The following SFXN3 variants were observed in gnomAD, a reference collection of about 807,000 sequenced individuals.
SFXN3 encodes sideroflexin-3.
SFXN3 carries 31 observed loss-of-function variants against 40.4 expected under a neutral mutation model. The ratio of observed to expected loss-of-function variants is 0.77; its 90% CI spans 0.58 to 1.04. SFXN3 has a LOEUF of 1.04. Ranked by LOEUF, SFXN3 falls within the 50% of genes least tolerant of loss-of-function variation. The pLI is 0.00. For synonymous variants in SFXN3, 157 were observed against 160.0 expected (o/e 0.98, Z 0.14); for missense variants, 366 against 408.2 (o/e 0.90, Z 0.89).
chr10:101,036,531 C>A lies in SFXN3; in HGVS notation c.477C>A (p.Ala159=). 8 of 1,614,124 alleles carry A rather than the reference C, an allele frequency of 5.0e-6. No homozygotes were observed. Among genetic ancestry groups the A allele is most frequent in the African/African-American group, 1.3e-5 (1 of 75,030 alleles). ...TGAGTGCCACCACTGGAGCTGTGGC[C>A]ACGGCCCTGGGACTCAAATCCCTCA... is the stretch of plus-strand genomic sequence containing the variant. Residue 159 remains alanine, a synonymous_variant, in exon 6 of 12, where the codon GCC becomes GCA. Coordinates refer to ENST00000393459, the Ensembl canonical transcript of SFXN3. The surrounding 1 kb of genome is among the most constrained non-coding windows in gnomAD (Gnocchi z 4.2).
At chr10:101,035,856 G>A in intron 4 of SFXN3, 147 bp from the exon 5 acceptor site, 1 of 1,063,740 alleles carries the variant, frequency 9.4e-7, no homozygotes, top group Non-Finnish European at 1.4e-6. Flanking sequence ...ATGGGGGTGG[G>A]GGTACATAGG....
rs766469795 is a variant in SFXN3, at chr10:101,039,508, C to T, written c.889C>T (p.Leu297=). ...TTGCAGCTCCATACACATAAGCAAC[C>T]TGGAACCAGAGCTGAGAGCTCAGAT... is the stretch of plus-strand genomic sequence containing the variant. The change falls in exon 12 of 12, where the codon CTG becomes TTG. Residue 297 remains leucine, a synonymous_variant. Transcript: ENST00000393459. The surrounding 1 kb of genome is among the most constrained non-coding windows in gnomAD (Gnocchi z 4.6). 2.3e-5 allele frequency: 37 copies of T among 1,614,102 alleles called. No individual in the cohort carries two copies. The South Asian group carries it at 4.0e-4, about 17-fold the overall frequency.
Position 101,036,866 on chromosome 10 carries a change from A to G in SFXN3, c.593+58A>G. 1.3e-6 allele frequency: 2 copies of G among 1,589,924 alleles called. No individual in the cohort carries two copies. The highest frequency in any genetic ancestry group is 8.6e-7 in the Non-Finnish European group (1 of 1,162,542). ...CCAGAATGTAGCACACTGTCCATCC[A>G]CGCAGACCACCTCAGAATGGGGACA... On this transcript the variant is annotated intron_variant, in intron 7 of 11. Coordinates refer to ENST00000393459, the Ensembl canonical transcript of SFXN3. This position sits in a 1 kb window ranked among gnomAD's most constrained non-coding sequence, Gnocchi z 4.2.
chr10:101,031,593 T>TC (rs1938203295), intron 1 of SFXN3, 59 bp downstream of exon 1: 1 of 108,722 alleles, frequency 9.2e-6, no homozygotes, highest in Admixed American at 9.1e-5. Flanking sequence ...ATCCTCCTCC[T>TC]CTGTCAGAAG....
At chr10:101,037,424 T>C (rs752695551) in exon 9 of SFXN3, 1 of 1,614,154 alleles carries the variant, frequency 6.2e-7, no homozygotes, top group Non-Finnish European at 8.5e-7. Context: ...AAGAAAGACT[T>C]CCTGAAGGTA....
At chr10:101,035,018 T>C (rs1938521415) in intron 3 of SFXN3, among the ~76,000 whole-genome samples, 163 bp downstream of exon 3, 1 of 152,178 alleles carries the variant, frequency 6.6e-6, no homozygotes, top group South Asian at 2.1e-4. Flanking sequence ...ACCCAAAGGA[T>C]TTTAGGGCAT....
chr10:101,036,793 C>T lies in SFXN3; in HGVS notation c.578C>T (p.Pro193Leu), dbSNP rs1172875645. The change falls in exon 7 of 12, where the codon CCC becomes CTC. Residue 193 changes from proline (P) to leucine (L), a missense_variant. Pro to Leu is a moderately conservative substitution (Grantham distance 98, BLOSUM62 -3). Transcript: ENST00000393459. This position sits in a 1 kb window ranked among gnomAD's most constrained non-coding sequence, Gnocchi z 4.2. ...GCAGCTGCCAACTGCATCAACATCC[C>T]CCTGATGAGGCAGAGGTGAGTGACC... is the stretch of plus-strand genomic sequence containing the variant. 1.2e-6 allele frequency: 2 copies of T among 1,613,838 alleles called. No homozygotes were observed. The highest frequency in any genetic ancestry group is 1.7e-6 in the Non-Finnish European group (2 of 1,179,724).
At chr10:101,032,054 C>A (rs1200441403) in intron 1 of SFXN3, 1 of 192,566 alleles carries the variant, frequency 5.2e-6, no homozygotes, top group Non-Finnish European at 1.1e-5. Context: ...AGGACCGCCC[C>A]TCCACACCGC....
rs755671791 is a variant in SFXN3 at position 101,037,374 on chromosome 10, C to T, written c.722-8C>T. On this transcript the variant is annotated splice_region_variant and splice_polypyrimidine_tract_variant and intron_variant, in intron 8 of 11. Transcript: ENST00000393459. Reference sequence around the variant, plus strand: ...ATGTTCTCCTTCTTGGCCCTGCTCTCCCCACAGCCATCCCACCACTGATCA... The same window carrying T: ...ATGTTCTCCTTCTTGGCCCTGCTCTTCCCACAGCCATCCCACCACTGATCA... The T allele has an allele frequency of 1.2e-6, 2 of 1,614,170 alleles. No homozygotes were observed. Among genetic ancestry groups the T allele is most frequent in the East Asian group, 2.2e-5 (1 of 44,882 alleles).
At chr10:101,038,742 G>C (rs761764345) in intron 10 of SFXN3, 50 bp downstream of exon 10, 19 of 1,602,396 alleles carry the variant, frequency 1.2e-5, no homozygotes, top group African/African-American at 1.3e-5. Flanking sequence ...CTTGTCCATG[G>C]TGGATGTGGG....
In SFXN3 at chr10:101,036,730, C is replaced by A. The variant is rs1303191185; in HGVS notation, c.515C>A (p.Pro172His). ...AACACCCTTCCTCCCCAGCACCTGC[C>A]CCCCTTGGTCGGCAGATTTGTGCCC... The change falls in exon 7 of 12, where the codon CCC becomes CAC. Residue 172 changes from proline to histidine, a missense_variant. Physicochemically the swap from Pro to His is moderately conservative, Grantham distance 77 (BLOSUM62 -2). Coordinates refer to ENST00000393459, the Ensembl canonical transcript of SFXN3. The surrounding 1 kb of genome is among the most constrained non-coding windows in gnomAD (Gnocchi z 4.2). 6.2e-7 allele frequency: 1 copy of A among 1,610,418 alleles called. No individual in the cohort carries two copies. The highest frequency in any genetic ancestry group is 8.5e-7 in the Non-Finnish European group (1 of 1,177,042).
rs755068765 is a variant in SFXN3, at chr10:101,032,498, C to T, written c.-4+16C>T. ...GATGGAAAGCGTAAGTGCTCGCTCT[C>T]CCCGGCGGGCGGGGTTCTGGAATGG... On this transcript the variant is annotated intron_variant, in intron 2 of 11. Coordinates refer to ENST00000393459, the Ensembl canonical transcript of SFXN3. 7.3e-5 allele frequency: 112 copies of T among 1,534,848 alleles called. No individual in the cohort carries two copies. The highest frequency in any genetic ancestry group is 1.8e-4 in the East Asian group (7 of 38,544).
chr10:101,032,386 A>ACGCGTGACGTCC lies in SFXN3; in HGVS notation c.-92_-81dup. 2 of 1,328,750 alleles carry ACGCGTGACGTCC rather than the reference A, an allele frequency of 1.5e-6. No homozygotes were observed. The highest frequency in any genetic ancestry group is 2.0e-6 in the Non-Finnish European group (2 of 997,574). 82.3% of individuals were successfully genotyped at this position (1,328,750 alleles called of 1,614,324 possible). On this transcript the variant is annotated 5_prime_UTR_variant, in exon 2 of 12. In the 5' UTR this introduces an upstream ATG that the reference lacks. Coordinates refer to ENST00000393459, the Ensembl canonical transcript of SFXN3. Reference sequence around the variant, plus strand: ...CTGCCCCTCCCTGCTGGTCGGCGTCACGCGTGACGTCCCGCGTGATGGCTG... The same window carrying ACGCGTGACGTCC: ...CTGCCCCTCCCTGCTGGTCGGCGTCACGCGTGACGTCCCGCGTGACGTCCCGCGTGATGGCTG...
Position 101,036,659 on chromosome 10 carries a change from C to G in SFXN3, c.508-64C>G. 1 of 1,609,060 alleles carries G rather than the reference C, an allele frequency of 6.2e-7. No homozygotes were observed. Among genetic ancestry groups the G allele is most frequent in the Admixed American group, 1.7e-5 (1 of 59,842 alleles). On this transcript the variant is annotated intron_variant, in intron 6 of 11. Coordinates refer to ENST00000393459, the Ensembl canonical transcript of SFXN3. The surrounding 1 kb of genome is among the most constrained non-coding windows in gnomAD (Gnocchi z 4.2). ...GTTCTGACCTATATGCCCCCTATAT[C>G]TCCCCAGAGTCCCTCACCACCCCAT...
intron 2 of SFXN3, among the ~76,000 whole-genome samples, chr10:101,034,016 T>C (rs1415111419): frequency 6.6e-6 from 1 of 151,912 alleles, no homozygotes; most frequent in Non-Finnish European, 1.5e-5. Context: ...TATGGAGACA[T>C]TCAGTTCCCA....
At chr10:101,037,767 C>G in intron 9 of SFXN3, 1 of 1,239,728 alleles carries the variant, frequency 8.1e-7, no homozygotes, top group Non-Finnish European at 1.0e-6. Flanking sequence ...GAGGTACACA[C>G]GGGTGAACAC....
At chr10:101,034,758 G>A in exon 3 of SFXN3, 1 of 1,614,056 alleles carries the variant, frequency 6.2e-7, no homozygotes, top group Non-Finnish European at 8.5e-7. Flanking sequence ...TACTTTCCTG[G>A]GCAGAGCCCG....
Position 101,036,133 on chromosome 10 carries a change from G to A in SFXN3, c.431+32G>A. On this transcript the variant is annotated intron_variant, in intron 5 of 11. Transcript: ENST00000393459. This position sits in a 1 kb window ranked among gnomAD's most constrained non-coding sequence, Gnocchi z 4.2. ...GCCAGCCCCCAGCAGCAGCTGCACT[G>A]TCCCATCTGACCCTCTCCTCCCAGC... 1 of 1,554,616 alleles carries A rather than the reference G, an allele frequency of 6.4e-7. No homozygotes were observed. The highest frequency in any genetic ancestry group is 8.9e-7 in the Non-Finnish European group (1 of 1,126,990).
At chr10:101,038,275 G>C in intron 9 of SFXN3, 1 of 1,175,836 alleles carries the variant, frequency 8.5e-7, no homozygotes, top group Non-Finnish European at 1.1e-6. Flanking sequence ...GATGTGCTTG[G>C]AAAGGGTCAG....
Sources: gnomAD v4.1 joint callset for allele counts (sites outside exome capture counted in the v4.1 genomes callset) on GRCh38, gnomAD v4.1.1 for gene constraint, Gnocchi (gnomAD v3.1) non-coding constraint, MANE v1.5 for transcripts, NCBI Gene and HGNC (gene_info 2026-07-23, HGNC 2026-07-21) for gene names.